Variants in ALG3 observed in about 807,000 individuals in gnomAD.
ALG3 encodes the protein ALG3 alpha-1,3- mannosyltransferase.
In ALG3, 39 loss-of-function variants were observed where a neutral mutation model predicts 50.5. That is an observed-to-expected ratio of 0.77 (90% CI 0.60 to 1.01). ALG3 has a LOEUF of 1.01. Ranked by LOEUF, ALG3 falls within the 50% of genes least tolerant of loss-of-function variation. The pLI, the probability that ALG3 is intolerant of heterozygous loss-of-function variation, is 0.00. For missense variants in ALG3, 520 were observed against 554.8 expected (o/e 0.94, Z 0.63); for synonymous variants, 252 against 237.2 (o/e 1.06, Z -0.58).
At chr3:184,248,644 G>C (rs992257673) in intron 1 of ALG3, 101 bp downstream of exon 1, 1 of 1,106,016 alleles carries the variant, frequency 9.0e-7, no homozygotes, top group East Asian at 2.6e-5. Flanking sequence ...TGACGAGTGA[G>C]TGGATACAGA....
rs773119890 is a variant in ALG3, at chr3:184,243,558, G to C, written c.1005C>G (p.Pro335=). 1.5e-5 allele frequency: 25 copies of C among 1,613,624 alleles called. No homozygotes were observed. The Middle Eastern group carries it at 4.9e-4, about 32-fold the overall frequency. Reference sequence around the variant, plus strand: ...TTCCCACAATTTAAAGGATATGGTTGGGTGTAAGGGGCTGGGGTGGAACCT... The same window carrying C: ...TTCCCACAATTTAAAGGATATGGTTCGGTGTAAGGGGCTGGGGTGGAACCT... ...KRKVPPQPLT[P]NQIVSTLFTS... is the part of the protein sequence containing the mutation. The change falls in exon 7 of 9, where the codon CCC becomes CCG. Residue 335 remains proline, a synonymous_variant. Coordinates refer to ENST00000397676, the MANE Select transcript of ALG3 (RefSeq NM_005787.6).
intron 1 of ALG3, among the ~76,000 whole-genome samples, chr3:184,247,139 G>A (rs1317565093): frequency 1.3e-5 from 2 of 151,878 alleles, no homozygotes; most frequent in Non-Finnish European, 2.9e-5. Context: ...CCTGACCTCA[G>A]GTGATCTGCC....
chr3:184,244,570 A>C (rs1397843659), intron 5 of ALG3, 31 bp downstream of exon 5: 2 of 1,597,878 alleles, frequency 1.3e-6, no homozygotes, highest in South Asian at 2.3e-5. Flanking sequence ...CTTCTCCTTG[A>C]TTAGAAAGAG....
In ALG3 at chr3:184,245,510, A is replaced by C; in HGVS notation, c.402T>G (p.Ala134=). Residue 134 remains alanine, a synonymous_variant, in exon 3 of 9, where the codon GCT becomes GCG. Transcript: ENST00000397676. ...AGATCAAGAAGACAAGCAGCAAGGTAGCCAGGTAGAGCACAGCAAAGATGT... is the reference window on the plus strand; with the variant it reads ...AGATCAAGAAGACAAGCAGCAAGGTCGCCAGGTAGAGCACAGCAAAGATGT... ...AQNIFAVLYL[A]TLLLVFLIYH... is the part of the protein sequence containing the mutation. The C allele has an allele frequency of 6.2e-7, 1 of 1,614,056 alleles. No homozygotes were observed. The highest frequency in any genetic ancestry group is 8.5e-7 in the Non-Finnish European group (1 of 1,179,906).
At position 184,242,437 on chromosome 3, in the gene ALG3, GT is replaced by G. The variant is rs770265074; in HGVS notation, c.*76del. 6.5e-7 allele frequency: 1 copy of G among 1,538,760 alleles called. No individual in the cohort carries two copies. The highest frequency in any genetic ancestry group is 8.8e-7 in the Non-Finnish European group (1 of 1,131,558). The stretch of plus-strand genomic sequence containing the variant: ...GTTGCACAGAGTTGGACTTAGCAAG[GT>G]TTATTTGGAAGGGCAGAGTCCAACC... On this transcript the variant is annotated 3_prime_UTR_variant, in exon 9 of 9. Transcript: ENST00000397676.
At chr3:184,247,212 C>CT (rs1361884139) in intron 1 of ALG3, among the ~76,000 whole-genome samples, 1 of 151,832 alleles carries the variant, frequency 6.6e-6, no homozygotes, top group Non-Finnish European at 1.5e-5. Flanking sequence ...CCAGGCTGGT[C>CT]TTTAACTCCT....
At chr3:184,243,283 G>A (rs935356707) in intron 7 of ALG3, 11 of 568,556 alleles carry the variant, frequency 1.9e-5, no homozygotes, top group Admixed American at 3.3e-5. Context: ...TCCCTGTCTC[G>A]GGGTCTCTTG....
upstream of ALG3, chr3:184,249,412 T>C (rs898335814): frequency 1.9e-6 from 2 of 1,064,340 alleles, no homozygotes; most frequent in African/African-American, 3.2e-5. Context: ...GTCATTCATA[T>C]TGAAAATATG....
At chr3:184,243,102 G>T in intron 7 of ALG3, 145 bp from the exon 8 acceptor site, 1 of 1,116,350 alleles carries the variant, frequency 9.0e-7, no homozygotes, top group Non-Finnish European at 1.3e-6. Context: ...AACCTCTCTG[G>T]ACCTGCTCCT....
At chr3:184,249,049 G>T (rs770926805), upstream of ALG3, 28 of 1,508,586 alleles carry the variant, frequency 1.9e-5, 1 homozygote, top group South Asian at 3.0e-4. Flanking sequence ...GCGCCGATCC[G>T]AGTAGCCAGT....
Position 184,245,745 on chromosome 3 carries a change from A to G in ALG3, c.264T>C (p.Tyr88=). The G allele has an allele frequency of 6.2e-7, 1 of 1,613,814 alleles. No homozygotes were observed. The part of the protein sequence containing the change: ...VEGVINGTYD[Y]TQLQGDTGPL... The stretch of plus-strand genomic sequence containing the variant: ...GTCCGGTGTCACCCTGCAGTTGGGT[A>G]TAGTCATAGGTACCATTGATGACGC... Residue 88 remains tyrosine (Y), a synonymous_variant, in exon 2 of 9, where the codon TAT becomes TAC. Coordinates refer to ENST00000397676, the MANE Select transcript of ALG3 (RefSeq NM_005787.6).
At chr3:184,243,326 CTT>C in intron 7 of ALG3, 2 of 590,040 alleles carry the variant, frequency 3.4e-6, no homozygotes, top group Non-Finnish European at 6.0e-6. Flanking sequence ...ATGTAAATCT[CTT>C]ATGATAGTAC....
At chr3:184,244,821 C>G (rs141424764) in intron 4 of ALG3, 100 bp from the exon 5 acceptor site, 27 of 1,473,972 alleles carry the variant, frequency 1.8e-5, no homozygotes, top group African/African-American at 5.6e-5. Context: ...CAACCTCCCC[C>G]CCGCCGCCAC....
intron 6 of ALG3, 49 bp downstream of exon 6, chr3:184,243,742 C>T (rs1468227855): frequency 6.3e-7 from 1 of 1,594,464 alleles, no homozygotes; most frequent in South Asian, 1.1e-5. Flanking sequence ...GGCTTAGGCC[C>T]TTCACTCCTT....
In ALG3 at chr3:184,248,848, C is replaced by G; in HGVS notation, c.93G>C (p.Glu31Asp). The change falls in exon 1 of 9, where the codon GAG becomes GAC. Residue 31 changes from glutamate to aspartate, a missense_variant. Glu to Asp is a conservative substitution (Grantham distance 45, BLOSUM62 2). Transcript: ENST00000397676. ...GCGGCTCCCGCAGCAGCAGGCGCCG[C>G]TCTTGCCAGGCGCGCTGCAGCCATT... ...CKQWLQRAWQ[E>D]RRLLLREPRY... 6.2e-7 allele frequency: 1 copy of G among 1,608,446 alleles called. No individual in the cohort carries two copies. The highest frequency in any genetic ancestry group is 8.5e-7 in the Non-Finnish European group (1 of 1,177,832).
Position 184,245,557 on chromosome 3 carries a change from T to A in ALG3, c.355A>T (p.Thr119Ser). The A allele has an allele frequency of 6.2e-7, 1 of 1,613,870 alleles. No homozygotes were observed. Among genetic ancestry groups the A allele is most frequent in the Non-Finnish European group, 8.5e-7 (1 of 1,179,840 alleles). Residue 119 changes from threonine (T) to serine (S), a missense_variant, in exon 3 of 9, where the codon ACT becomes TCT. Coordinates refer to ENST00000397676, the MANE Select transcript of ALG3 (RefSeq NM_005787.6). ...MGLYYATSRG[T>S]DIRMAQNIFA... The stretch of plus-strand genomic sequence containing the variant: ...ATGTTCTGGGCCATGCGGATGTCAG[T>A]GCCTCGGCTGGTGGCATAGTACAAC...
rs1719030182 is a variant in ALG3, at chr3:184,244,669, A to G, written c.658T>C (p.Phe220Leu). The stretch of plus-strand genomic sequence containing the variant: ...AAGCCAAACTGTGTGAGGAGAAGAA[A>G]CAGTAACCCAGGGGCGAAGAGCAGC... ...NVLLFAPGLL[F>L]LLLTQFGFRG... The change falls in exon 5 of 9, where the codon TTT becomes CTT. Residue 220 changes from phenylalanine to leucine, a missense_variant. By Grantham distance (22) the Phe-to-Leu change is conservative. This residue lies in a region of ALG3 where 224 missense variants were observed against 272.8 expected (regional missense o/e 0.82). Coordinates refer to ENST00000397676, the MANE Select transcript of ALG3 (RefSeq NM_005787.6). 6.2e-7 allele frequency: 1 copy of G among 1,610,868 alleles called. No individual in the cohort carries two copies. Among genetic ancestry groups the G allele is most frequent in the South Asian group, 1.1e-5 (1 of 90,192 alleles).
chr3:184,245,085 C>A, intron 4 of ALG3, 113 bp downstream of exon 4: 1 of 1,376,638 alleles, frequency 7.3e-7, no homozygotes, highest in Non-Finnish European at 1.0e-6. Context: ...CTTTGTGGAG[C>A]CCTGAGTGAC....
chr3:184,248,908 G>T lies in ALG3; in HGVS notation c.33C>A (p.Ser11=), dbSNP rs752859572. 7 of 1,594,890 alleles carry T rather than the reference G, an allele frequency of 4.4e-6. No homozygotes were observed. The highest frequency in any genetic ancestry group is 6.0e-6 in the Non-Finnish European group (7 of 1,171,402). MAAGLRKRGR[S]GSAAQAEGLC... is the part of the protein sequence containing the mutation. ...GTCCCTCTGCCTGGGCCGCGGAACC[G>T]GACCGGCCGCGTTTCCGCAGCCCAG... is the stretch of plus-strand genomic sequence containing the variant. Residue 11 remains serine (S), a synonymous_variant, in exon 1 of 9, where the codon TCC becomes TCA. Coordinates refer to ENST00000397676, the MANE Select transcript of ALG3 (RefSeq NM_005787.6).
Sources: allele counts gnomAD v4.1 joint callset (sites outside exome capture counted in the v4.1 genomes callset), GRCh38; gene constraint gnomAD v4.1.1; regional missense constraint gnomAD v4.1.1; transcripts MANE v1.5; gene names NCBI Gene and HGNC (gene_info 2026-07-23, HGNC 2026-07-21).